WDR20: variants seen among roughly 807,000 people sequenced by gnomAD.
WDR20 encodes WD repeat-containing protein 20.
In WDR20, 3 loss-of-function variants were observed where a neutral mutation model predicts 38.7. The ratio of observed to expected loss-of-function variants is 0.08; its 90% CI spans 0.04 to 0.20. The LOEUF is 0.20. Among genes scored for constraint, WDR20 ranks in the 10% least tolerant of loss-of-function variants. The pLI, the probability that WDR20 is intolerant of heterozygous loss-of-function variation, is 1.00. For synonymous variants in WDR20, 298 were observed against 285.6 expected (o/e 1.04, Z -0.44); for missense variants, 559 against 727.7 (o/e 0.77, Z 2.67).
downstream of WDR20, chr14:102,224,529 TA>T: frequency 2.2e-6 from 1 of 454,960 alleles, no homozygotes. Flanking sequence ...TGTGAGACTT[TA>T]AACCATGAAG....
At chr14:102,187,078 G>T (rs1311816911) in intron 1 of WDR20, among the ~76,000 whole-genome samples, 1 of 152,068 alleles carries the variant, frequency 6.6e-6, no homozygotes. Context: ...GATCCTTTGT[G>T]GCCCTTGGAA....
chr14:102,164,129 T>G (rs886620627), intron 1 of WDR20, among the ~76,000 whole-genome samples: 2 of 151,764 alleles, frequency 1.3e-5, no homozygotes, highest in African/African-American at 4.9e-5. Flanking sequence ...ACTGATACAC[T>G]GGAAGTGCCA....
chr14:102,190,182 A>G (rs1210292767), intron 1 of WDR20, among the ~76,000 whole-genome samples: 2 of 152,160 alleles, frequency 1.3e-5, no homozygotes, highest in Non-Finnish European at 2.9e-5. Context: ...TGTAATGTGG[A>G]TACATTAGTA....
chr14:102,213,893 C>T (rs914113380), downstream of WDR20: 5 of 985,300 alleles, frequency 5.1e-6, no homozygotes, highest in Non-Finnish European at 4.8e-6. Context: ...CCACATCATG[C>T]GTGTCTGACT....
At position 102,222,884 on chromosome 14, in the gene WDR20, C is replaced by A. The variant is rs372904264; in HGVS notation, c.*1C>A. Reference sequence around the variant, plus strand: ...TTCTCCAGGTGGAACTGTAGTGTAGCGACCTCACTGCTGCGCGCACAGTCT... The same window carrying A: ...TTCTCCAGGTGGAACTGTAGTGTAGAGACCTCACTGCTGCGCGCACAGTCT... On this transcript the variant is annotated 3_prime_UTR_variant, in exon 4 of 4. Coordinates refer to the WDR20 transcript ENST00000335263. This position sits in a 1 kb window ranked among gnomAD's most constrained non-coding sequence, Gnocchi z 4.4. 6.2e-7 allele frequency: 1 copy of A among 1,614,148 alleles called. No individual in the cohort carries two copies. The highest frequency in any genetic ancestry group is 1.7e-5 in the Admixed American group (1 of 60,024).
chr14:102,191,306 A>AG (rs1037301614), intron 1 of WDR20: 3 of 152,328 alleles, frequency 2.0e-5, no homozygotes, highest in Admixed American at 1.3e-4. Flanking sequence ...GCCATCTGCC[A>AG]GGGGCTGATG....
chr14:102,213,248 T>C (rs1234192914), downstream of WDR20: 10 of 985,332 alleles, frequency 1.0e-5, no homozygotes, highest in East Asian at 1.1e-4. Flanking sequence ...GAATTAAAAA[T>C]TCCCCCAGCG....
At position 102,165,636 on chromosome 14, in the gene WDR20, CTTTTTTTTTT is replaced by C. The variant is rs398026421; in HGVS notation, c.249+25472_249+25481del. Among the ~76,000 whole-genome samples the C allele has an allele frequency of 1.7e-3, 216 of 129,366 alleles. 3 individuals carry two copies. Among genetic ancestry groups the C allele is most frequent in the African/African-American group, 5.9e-3 (205 of 34,938 alleles). The allele number at this position is 129,366 out of a possible 152,430, so 84.9% of individuals were successfully genotyped here. A position where few individuals can be genotyped will look rare whatever the true frequency, so the allele number is the denominator to read the frequency against. The stretch of plus-strand genomic sequence containing the variant: ...TTTTTGTTTCTTTTTCTTTTCTTTT[CTTTTTTTTTT>C]TTTTTTTGGAGACAGGGTCTCACTC... On this transcript the variant is annotated intron_variant, in intron 1 of 2. Coordinates refer to ENST00000342702, the MANE Select transcript of WDR20 (RefSeq NM_144574.4).
chr14:102,184,534 T>C (rs2064118067), intron 1 of WDR20, among the ~76,000 whole-genome samples: 1 of 152,054 alleles, frequency 6.6e-6, no homozygotes, highest in South Asian at 2.1e-4. Context: ...CGCCCTCTGC[T>C]TGTTCCTGCT....
At position 102,199,419 on chromosome 14, in the gene WDR20, G is replaced by A. The variant is rs547321099; in HGVS notation, c.432+4299G>A. On this transcript the variant is annotated intron_variant, in intron 2 of 2. Transcript: ENST00000342702. ...GGTGGTGTTGGACGGAAAGGGTTCC[G>A]TGGGAGGTGAGATACCAACCGTTTT... Among the ~76,000 whole-genome samples, 10 of 152,092 alleles carry A rather than the reference G, an allele frequency of 6.6e-5. No homozygotes were observed. The South Asian group carries it at 1.2e-3, about 19-fold the overall frequency.
intron 1 of WDR20, among the ~76,000 whole-genome samples, chr14:102,183,904 A>G (rs190427669): frequency 6.6e-5 from 10 of 152,348 alleles, no homozygotes; most frequent in African/African-American, 1.7e-4. Context: ...ATGCTCTGTA[A>G]TTTACCAGTG....
chr14:102,209,517 C>T lies in WDR20; in HGVS notation c.1347C>T (p.Val449=). The T allele has an allele frequency of 6.2e-7, 1 of 1,614,228 alleles. No homozygotes were observed. The highest frequency in any genetic ancestry group is 8.5e-7 in the Non-Finnish European group (1 of 1,180,056). The change falls in exon 3 of 3, where the codon GTC becomes GTT. Residue 449 remains valine (V), a synonymous_variant. Transcript: ENST00000342702. The surrounding 1 kb of genome is among the most constrained non-coding windows in gnomAD (Gnocchi z 6.0). ...CAAATGCTGGCAGCAAAAGCAGTGT[C>T]ATGGACGGGGCCATTGCTTCTGGGG... ...AVSNAGSKSS[V]MDGAIASGVS...
Position 102,155,271 on chromosome 14 carries a change from C to T in WDR20, c.249+15099C>T, listed in dbSNP as rs537390869. ...TCTTTCAGAAATGGTAAGGTACTGT[C>T]AAATGTAAGATATTTCTTTTAGTTA... On this transcript the variant is annotated intron_variant, in intron 1 of 2. Coordinates refer to ENST00000342702, the MANE Select transcript of WDR20 (RefSeq NM_144574.4). Among the ~76,000 whole-genome samples, 10 of 152,260 alleles carry T rather than the reference C, an allele frequency of 6.6e-5. No homozygotes were observed. In the South Asian group the frequency reaches 2.1e-3, roughly 32 times the overall value.
rs1436152631 is a variant in WDR20, at chr14:102,207,533, TG to T, written c.433-1066del. ...GTGAAGCGGTGGTGTTCAACTTACC[TG>T]GGGCTGCTGGGCTCCTAAAGGGACA... On this transcript the variant is annotated intron_variant, in intron 2 of 2. Transcript: ENST00000342702. This position sits in a 1 kb window ranked among gnomAD's most constrained non-coding sequence, Gnocchi z 5.0. Among the ~76,000 whole-genome samples the T allele has an allele frequency of 1.8e-4, 27 of 152,176 alleles. No homozygotes were observed. The highest frequency in any genetic ancestry group is 5.3e-4 in the African/African-American group (22 of 41,442).
chr14:102,208,379 C>G lies in WDR20; in HGVS notation c.433-224C>G, dbSNP rs1031451927. 2.6e-5 allele frequency among the ~76,000 whole-genome samples: 4 copies of G among 152,158 alleles called. No individual in the cohort carries two copies. Among genetic ancestry groups the G allele is most frequent in the African/African-American group, 9.7e-5 (4 of 41,428 alleles). On this transcript the variant is annotated intron_variant, in intron 2 of 2. Coordinates refer to ENST00000342702, the MANE Select transcript of WDR20 (RefSeq NM_144574.4). The surrounding 1 kb of genome is among the most constrained non-coding windows in gnomAD (Gnocchi z 5.6). ...CAAATATCTGTTGGCTGCCTGACTC[C>G]CTCCGTGAAAGCCAGCAGCCTAACA... is the stretch of plus-strand genomic sequence containing the variant.
downstream of WDR20, among the ~76,000 whole-genome samples, chr14:102,223,851 C>T (rs11160676): frequency 0.17 from 25,683 of 152,026 alleles, 4,122 homozygotes; most frequent in African/African-American, 0.42. Context: ...CTGTGGTCGC[C>T]TCACAGCCTC....
At chr14:102,223,172 T>TATAATATATACATATATAC (rs2064108838) in exon 4 of WDR20, 1 of 210,134 alleles carries the variant, frequency 4.8e-6, no homozygotes, top group South Asian at 9.0e-5. Flanking sequence ...TTCATATATA[T>TATAATATATACATATATAC]ATAATATATA....
At chr14:102,212,347 G>A (rs960201888), downstream of WDR20, among the ~76,000 whole-genome samples, 6 of 152,176 alleles carry the variant, frequency 3.9e-5, no homozygotes, top group African/African-American at 1.4e-4. Context: ...CCTCCCCAAG[G>A]CCCCTCTTGC....
chr14:102,176,087 C>G (rs2061994463), intron 1 of WDR20, among the ~76,000 whole-genome samples: 1 of 152,182 alleles, frequency 6.6e-6, no homozygotes, highest in Non-Finnish European at 1.5e-5. Context: ...ACTTCCAGAA[C>G]TATGTTGAAT....
Sources: allele counts gnomAD v4.1 joint callset (sites outside exome capture counted in the v4.1 genomes callset), GRCh38; gene constraint gnomAD v4.1.1; non-coding constraint Gnocchi (gnomAD v3.1); transcripts MANE v1.5; gene names NCBI Gene and HGNC (gene_info 2026-07-23, HGNC 2026-07-21).